The following NPAS3 variants were observed in gnomAD, a reference collection of about 807,000 sequenced individuals.
NPAS3 encodes neuronal PAS domain-containing protein 3.
NPAS3 carries 14 observed loss-of-function variants against 73.1 expected under a neutral mutation model. The ratio of observed to expected loss-of-function variants is 0.19; its 90% CI spans 0.13 to 0.30. NPAS3 has a LOEUF of 0.30. NPAS3 is among the 10% of genes least tolerant of loss of function. The pLI is 1.00. For synonymous variants in NPAS3, 620 were observed against 541.5 expected, an observed-to-expected ratio of 1.14 and a Z score of -2.01; for missense variants, 1,096 against 1,250.0, an observed-to-expected ratio of 0.88 and a Z score of 1.86.
At chr14:33,259,721 C>A (rs74042008) in intron 3 of NPAS3, among the ~76,000 whole-genome samples, 3,394 of 152,228 alleles carry the variant, frequency 0.022, 139 homozygotes, top group African/African-American at 0.078. Flanking sequence ...AGGGCATGAA[C>A]CCTTGTCTAT....
chr14:33,093,168 T>C (rs532674336), intron 2 of NPAS3, among the ~76,000 whole-genome samples: 5 of 152,176 alleles, frequency 3.3e-5, no homozygotes, highest in Non-Finnish European at 7.4e-5. Flanking sequence ...AAACTATCAT[T>C]AGCGTGAACA....
Position 33,673,403 on chromosome 14 carries a change from C to G in NPAS3, c.559-2808C>G, listed in dbSNP as rs562408394. Among the ~76,000 whole-genome samples the G allele has an allele frequency of 5.9e-5, 9 of 152,312 alleles. No homozygotes were observed. In the South Asian group the frequency reaches 1.9e-3, roughly 32 times the overall value. ...AGCACAAAAATTAGTACTTTTTGCA[C>G]ATAGTGGATAACTGCCAGTATTGTT... is the stretch of plus-strand genomic sequence containing the variant. On this transcript the variant is annotated intron_variant, in intron 5 of 11. Transcript: ENST00000356141.
At chr14:33,331,932 T>C (rs1186304937) in intron 3 of NPAS3, among the ~76,000 whole-genome samples, 1 of 152,244 alleles carries the variant, frequency 6.6e-6, no homozygotes, top group Non-Finnish European at 1.5e-5. Flanking sequence ...ATAGTGATAC[T>C]ATGCCAAGAC....
chr14:33,772,976 G>T (rs908583834), intron 7 of NPAS3, among the ~76,000 whole-genome samples: 2 of 152,204 alleles, frequency 1.3e-5, no homozygotes, highest in Non-Finnish European at 1.5e-5. Flanking sequence ...CAGGGAAAAG[G>T]TATTAGCTGA....
chr14:32,961,655 C>T (rs1027046385), intron 1 of NPAS3, among the ~76,000 whole-genome samples: 2 of 152,100 alleles, frequency 1.3e-5, no homozygotes, highest in African/African-American at 2.4e-5. Flanking sequence ...TCCTTGTCAC[C>T]ATGAATGCAA....
At chr14:33,323,826 T>C (rs555393536) in intron 3 of NPAS3, among the ~76,000 whole-genome samples, 4 of 152,368 alleles carry the variant, frequency 2.6e-5, no homozygotes, top group African/African-American at 9.6e-5. Flanking sequence ...TAAATCATTC[T>C]GGTATAAATT....
intron 2 of NPAS3, among the ~76,000 whole-genome samples, chr14:33,188,360 TA>T (rs2046053781): frequency 6.6e-6 from 1 of 152,198 alleles, no homozygotes; most frequent in Admixed American, 6.5e-5. Context: ...ACCTGGGTAA[TA>T]AGTGTTTTTT....
chr14:33,440,191 T>C (rs1326988365), intron 4 of NPAS3, among the ~76,000 whole-genome samples: 2 of 151,816 alleles, frequency 1.3e-5, no homozygotes, highest in African/African-American at 2.4e-5. Flanking sequence ...CCTGTGAAAT[T>C]ACCCAGCTCC....
intron 6 of NPAS3, among the ~76,000 whole-genome samples, chr14:33,683,345 G>GTGAT (rs139706174): frequency 0.036 from 5,018 of 140,534 alleles, 261 homozygotes; most frequent in African/African-American, 0.13. Context: ...TTTGCCAATA[G>GTGAT]TGATTGATAG....
At chr14:33,778,715 C>T (rs2062894471) in intron 9 of NPAS3, 143 bp downstream of exon 9, 2 of 621,640 alleles carry the variant, frequency 3.2e-6, no homozygotes, top group African/African-American at 1.8e-5. Context: ...AAAAGTGAGA[C>T]ATAAATCATT....
In NPAS3 at chr14:33,546,612, C is replaced by T. The variant is rs563172069; in HGVS notation, c.469-13509C>T. 9.9e-4 allele frequency among the ~76,000 whole-genome samples: 151 copies of T among 152,190 alleles called. 3 individuals carry two copies. In the South Asian group the frequency reaches 0.03, roughly 30 times the overall value. On this transcript the variant is annotated intron_variant, in intron 4 of 11. Transcript: ENST00000356141. ...GTGGGACAGGGATTTTTATCCTGCT[C>T]AATATGTTGATTTTATGTGATAGTT...
chr14:33,024,890 A>G (rs1214423627), intron 1 of NPAS3, among the ~76,000 whole-genome samples: 2 of 152,230 alleles, frequency 1.3e-5, no homozygotes, highest in African/African-American at 4.8e-5. Flanking sequence ...AATATTGTAG[A>G]CCACAATACC....
At chr14:33,315,178 A>G (rs1249023548) in intron 3 of NPAS3, among the ~76,000 whole-genome samples, 1 of 152,064 alleles carries the variant, frequency 6.6e-6, no homozygotes, top group African/African-American at 2.4e-5. Flanking sequence ...ATGAAAAGCC[A>G]CGCTGGTGGG....
At chr14:32,978,821 T>TTATGACAG (rs2037789412) in intron 1 of NPAS3, among the ~76,000 whole-genome samples, 1 of 152,212 alleles carries the variant, frequency 6.6e-6, no homozygotes, top group African/African-American at 2.4e-5. Context: ...GCTCTCTCCC[T>TTATGACAG]TATGACAGTG....
chr14:33,136,208 A>G (rs1043936985), intron 2 of NPAS3, among the ~76,000 whole-genome samples: 1 of 151,520 alleles, frequency 6.6e-6, no homozygotes, highest in Non-Finnish European at 1.5e-5. Flanking sequence ...CTACAGGCGC[A>G]CACCACCACG....
intron 2 of NPAS3, among the ~76,000 whole-genome samples, chr14:33,154,027 C>T (rs2044557176): frequency 6.6e-6 from 1 of 152,124 alleles, no homozygotes; most frequent in Non-Finnish European, 1.5e-5. Context: ...GTCCAGGCTG[C>T]CATCCCAATT....
chr14:33,119,524 C>T (rs1165567932), intron 2 of NPAS3, among the ~76,000 whole-genome samples: 1 of 152,082 alleles, frequency 6.6e-6, no homozygotes, highest in African/African-American at 2.4e-5. Context: ...TTTGTTTAGT[C>T]TTGATTTGTA....
chr14:33,648,146 G>A (rs1048496722), intron 5 of NPAS3, among the ~76,000 whole-genome samples: 2 of 152,128 alleles, frequency 1.3e-5, no homozygotes, highest in Non-Finnish European at 2.9e-5. Context: ...CAGCCTGTGG[G>A]ACCCTTTTGC....
chr14:33,215,342 C>T, exon 3 of NPAS3: 2 of 1,598,714 alleles, frequency 1.3e-6, no homozygotes, highest in Non-Finnish European at 1.7e-6. Context: ...AATTAGCTAT[C>T]TGAAAATGAG....
Sources: gnomAD v4.1 joint callset for allele counts (sites outside exome capture counted in the v4.1 genomes callset) on GRCh38, gnomAD v4.1.1 for gene constraint, MANE v1.5 for transcripts, NCBI Gene and HGNC (gene_info 2026-07-23, HGNC 2026-07-21) for gene names.